WLS: variants seen among roughly 807,000 people sequenced by gnomAD.
WLS encodes the protein Wnt ligand secretion mediator, also known as protein wntless homolog.
WLS carries 23 observed loss-of-function variants against 62.8 expected under a neutral mutation model. The observed-to-expected ratio is 0.37, with a 90% CI of 0.26 to 0.52. The LOEUF is 0.52. WLS is among the 20% of genes least tolerant of loss of function. WLS has a pLI of 0.92. For missense variants in WLS, 615 were observed against 697.3 expected, an observed-to-expected ratio of 0.88 and a Z score of 1.33; for synonymous variants, 246 against 244.1, an observed-to-expected ratio of 1.01 and a Z score of -0.07.
chr1:68,187,189 C>CAAAAAAAAAAAAAAAAAAAAAAAA (rs34130992), intron 2 of WLS, among the ~76,000 whole-genome samples: 946 of 56,854 alleles, frequency 0.017, 59 homozygotes, highest in East Asian at 0.027. Flanking sequence ...ACTCCATCTC[C>CAAAAAAAAAAAAAAAAAAAAAAAA]AAAAAAAAAA....
At chr1:68,209,143 A>G (rs984145265) in intron 1 of WLS, among the ~76,000 whole-genome samples, 2 of 117,606 alleles carry the variant, frequency 1.7e-5, no homozygotes, top group East Asian at 1.1e-3. Context: ...TGGCAAGTTC[A>G]GGGGGGGTGT....
At chr1:68,168,232 G>A (rs573492761) in intron 2 of WLS, among the ~76,000 whole-genome samples, 2 of 152,180 alleles carry the variant, frequency 1.3e-5, no homozygotes, top group South Asian at 2.1e-4. Context: ...CAATGAAAAG[G>A]CCACTAGAGC....
intron 1 of WLS, among the ~76,000 whole-genome samples, chr1:68,204,149 T>C (rs1649172571): frequency 6.6e-6 from 1 of 152,200 alleles, no homozygotes; most frequent in South Asian, 2.1e-4. Context: ...CCTGTTAATG[T>C]CTTTATCTGG....
At chr1:68,145,659 T>C (rs1035325381) in intron 9 of WLS, among the ~76,000 whole-genome samples, 8 of 152,118 alleles carry the variant, frequency 5.3e-5, no homozygotes, top group African/African-American at 1.9e-4. Context: ...GGAAACACAT[T>C]TGTACCACAG....
intron 11 of WLS, among the ~76,000 whole-genome samples, chr1:68,130,473 T>C (rs1029174288): frequency 2.0e-5 from 3 of 152,174 alleles, no homozygotes; most frequent in Non-Finnish European, 2.9e-5. Context: ...TTATGTTCTT[T>C]CCAGAACATT....
chr1:68,190,982 C>T (rs367700758), intron 2 of WLS, among the ~76,000 whole-genome samples: 27 of 150,880 alleles, frequency 1.8e-4, no homozygotes, highest in Admixed American at 6.0e-4. Flanking sequence ...CTCTTGATCA[C>T]GGGAGGTGGA....
intron 2 of WLS, chr1:68,161,762 C>T (rs1208038525): frequency 6.3e-7 from 1 of 1,597,526 alleles, no homozygotes; most frequent in East Asian, 2.2e-5. Context: ...TGCTATTGCT[C>T]GTTGGAGTGC....
chr1:68,162,295 AATG>A (rs1174760917), intron 2 of WLS: 32 of 1,610,704 alleles, frequency 2.0e-5, no homozygotes, highest in Non-Finnish European at 2.6e-5. Context: ...GTTCACAAGG[AATG>A]CTCCCTGCCT....
rs185788477 is a variant in WLS at position 68,190,017 on chromosome 1, T to C, written c.379+3938A>G. Reference sequence around the variant, plus strand: ...GAGCGAGACTCCGTCTCAAAAAAAATAAATAAAAAATAAGTACTTACTATG... The same window carrying C: ...GAGCGAGACTCCGTCTCAAAAAAAACAAATAAAAAATAAGTACTTACTATG... On this transcript the variant is annotated intron_variant, in intron 2 of 11. Transcript: ENST00000262348. 2.8e-3 allele frequency among the ~76,000 whole-genome samples: 427 copies of C among 152,246 alleles called. 8 individuals carry two copies. Among genetic ancestry groups the C allele is most frequent in the African/African-American group, 9.4e-3 (392 of 41,560 alleles).
Position 68,150,254 on chromosome 1 carries a change from G to A in WLS, c.906C>T (p.Ile302=). 1 of 1,614,174 alleles carries A rather than the reference G, an allele frequency of 6.2e-7. No homozygotes were observed. The part of the protein sequence containing the change: ...DWTWMLLFGD[I]RQGIFYAMLL... ...GCATCGCATAGAAGATGCCCTGTCGGATGTCACCAAACAGCAGCATCCAGG... is the reference window on the plus strand; with the variant it reads ...GCATCGCATAGAAGATGCCCTGTCGAATGTCACCAAACAGCAGCATCCAGG... The change falls in exon 6 of 12, where the codon ATC becomes ATT. Residue 302 remains isoleucine, a synonymous_variant. Coordinates refer to ENST00000262348, the MANE Select transcript of WLS (RefSeq NM_024911.7).
At chr1:68,209,006 A>G (rs1202162400) in intron 1 of WLS, among the ~76,000 whole-genome samples, 2 of 152,162 alleles carry the variant, frequency 1.3e-5, no homozygotes, top group Admixed American at 6.5e-5. Flanking sequence ...AGATTTCTCA[A>G]GCTTTGCACT....
At chr1:68,160,111 T>G (rs556353176) in intron 2 of WLS, among the ~76,000 whole-genome samples, 1 of 148,038 alleles carries the variant, frequency 6.8e-6, no homozygotes, top group East Asian at 2.0e-4. Flanking sequence ...AAGGTTTAAT[T>G]CTATTTAAAA....
intron 1 of WLS, among the ~76,000 whole-genome samples, chr1:68,216,636 T>A (rs544446005): frequency 8.0e-6 from 1 of 125,350 alleles, no homozygotes; most frequent in East Asian, 2.4e-4. Context: ...TGTTTCTAGC[T>A]GTTGAAACTT....
intron 10 of WLS, among the ~76,000 whole-genome samples, chr1:68,144,169 C>A (rs1003414056): frequency 6.6e-6 from 1 of 152,164 alleles, no homozygotes; most frequent in Admixed American, 6.5e-5. Context: ...AATTACATTT[C>A]ATATTTAAGT....
intron 2 of WLS, among the ~76,000 whole-genome samples, chr1:68,193,456 T>C (rs1349001841): frequency 2.7e-5 from 3 of 109,910 alleles, no homozygotes; most frequent in Non-Finnish European, 5.2e-5. Context: ...AAAAAAAACC[T>C]GGTTTGGTGG....
At chr1:68,186,744 G>C (rs1647968505) in intron 2 of WLS, 4 of 448,718 alleles carry the variant, frequency 8.9e-6, no homozygotes. Flanking sequence ...ATCTAGACCT[G>C]ATGTGCCTGT....
At chr1:68,122,115 C>T (rs1383086123), downstream of WLS, among the ~76,000 whole-genome samples, 5 of 152,170 alleles carry the variant, frequency 3.3e-5, no homozygotes, top group African/African-American at 1.2e-4. Flanking sequence ...ACCATTCAGC[C>T]TTTGGAAGCC....
intron 2 of WLS, among the ~76,000 whole-genome samples, chr1:68,167,880 T>C (rs1208037689): frequency 6.6e-6 from 1 of 152,132 alleles, no homozygotes; most frequent in Non-Finnish European, 1.5e-5. Context: ...TCCCCTATGC[T>C]CCAGGGTTCC....
chr1:68,121,620 A>G (rs1646364811), downstream of WLS, among the ~76,000 whole-genome samples: 1 of 152,182 alleles, frequency 6.6e-6, no homozygotes, highest in African/African-American at 2.4e-5. Flanking sequence ...TGGTTCCCGG[A>G]GCACTACAGG....
Sources: gnomAD v4.1 joint callset for allele counts (sites outside exome capture counted in the v4.1 genomes callset) on GRCh38, gnomAD v4.1.1 for gene constraint, MANE v1.5 for transcripts, NCBI Gene and HGNC (gene_info 2026-07-23, HGNC 2026-07-21) for gene names.